The following BCAS3 variants were observed in gnomAD, a reference collection of about 807,000 sequenced individuals.
BCAS3 encodes BCAS4/BCAS3 fusion.
Under a neutral mutation model 116.1 loss-of-function variants are expected in BCAS3, and 53 were observed. The ratio of observed to expected loss-of-function variants is 0.46; its 90% CI spans 0.37 to 0.57. BCAS3 has a LOEUF of 0.57. Ranked by LOEUF, BCAS3 falls within the 20% of genes least tolerant of loss-of-function variation. The pLI is 0.00. For missense variants in BCAS3, 917 were observed against 1,165.4 expected (o/e 0.79, Z 3.10); for synonymous variants, 391 against 408.2 (o/e 0.96, Z 0.51).
At chr17:61,110,498 T>C (rs1041197349) in intron 22 of BCAS3, among the ~76,000 whole-genome samples, 3 of 152,152 alleles carry the variant, frequency 2.0e-5, no homozygotes, top group Non-Finnish European at 4.4e-5. Flanking sequence ...ACCTGGATAA[T>C]TGGGTCACTC....
chr17:60,926,106 C>A (rs1191955921), intron 13 of BCAS3, among the ~76,000 whole-genome samples: 2 of 152,098 alleles, frequency 1.3e-5, no homozygotes, highest in African/African-American at 4.8e-5. Flanking sequence ...TGGAGCATTT[C>A]AGAGCATTTT....
chr17:60,834,506 G>A (rs2051200233), intron 7 of BCAS3, among the ~76,000 whole-genome samples: 1 of 151,934 alleles, frequency 6.6e-6, no homozygotes, highest in Admixed American at 6.6e-5. Context: ...TAGTGAAGTG[G>A]TTTCTATTGA....
rs1162983256 is a variant in BCAS3, at chr17:60,808,007, C to T, written c.407C>T (p.Ala136Val). ...TTTATTTTATCCTTCCTGTCAGGTG[C>T]TCAAAAATGTGATAACTTTGCTGAA... Reference protein sequence around the residue: ...ARILPAPQFGAQKCDNFAEKR... With the variant: ...ARILPAPQFGVQKCDNFAEKR... Residue 136 changes from alanine (A) to valine (V), a missense_variant, in exon 7 of 24, where the codon GCT becomes GTT. Coordinates refer to ENST00000407086, the MANE Select transcript of BCAS3 (RefSeq NM_017679.5). 6 of 1,600,770 alleles carry T rather than the reference C, an allele frequency of 3.7e-6. No individual in the cohort carries two copies. In the South Asian group the frequency reaches 6.7e-5, roughly 18 times the overall value.
chr17:60,776,446 C>T (rs981219024), intron 6 of BCAS3, among the ~76,000 whole-genome samples: 1 of 152,138 alleles, frequency 6.6e-6, no homozygotes, highest in African/African-American at 2.4e-5. Context: ...AATGGCTGTG[C>T]GCGGTGGCTC....
At chr17:60,921,833 A>G (rs2059119005) in intron 12 of BCAS3, among the ~76,000 whole-genome samples, 1 of 151,984 alleles carries the variant, frequency 6.6e-6, no homozygotes, top group Non-Finnish European at 1.5e-5. Flanking sequence ...ACATGTAAAC[A>G]ATAACCATAA....
intron 7 of BCAS3, among the ~76,000 whole-genome samples, chr17:60,819,953 A>G (rs569753129): frequency 5.3e-5 from 8 of 151,902 alleles, no homozygotes; most frequent in Non-Finnish European, 7.4e-5. Flanking sequence ...GCAAGAGGAG[A>G]TAACCCTTAG....
chr17:61,351,959 G>A (rs2057876475), intron 22 of BCAS3, among the ~76,000 whole-genome samples: 1 of 152,180 alleles, frequency 6.6e-6, no homozygotes, highest in African/African-American at 2.4e-5. Context: ...GCCTGGAAAG[G>A]ACTACTGACT....
intron 9 of BCAS3, among the ~76,000 whole-genome samples, chr17:60,878,477 T>G (rs1032324182): frequency 6.6e-6 from 1 of 152,200 alleles, no homozygotes; most frequent in Non-Finnish European, 1.5e-5. Context: ...TCAATATGTG[T>G]ACACTTTGTT....
At position 61,122,212 on chromosome 17, in the gene BCAS3, A is replaced by G. The variant is rs1391920009; in HGVS notation, c.2425+37648A>G. Among the ~76,000 whole-genome samples the G allele has an allele frequency of 6.6e-6, 1 of 152,216 alleles. No individual in the cohort carries two copies. The highest frequency in any genetic ancestry group is 2.4e-5 in the African/African-American group (1 of 41,452). On this transcript the variant is annotated intron_variant, in intron 22 of 23. Transcript: ENST00000407086. This position sits in a 1 kb window ranked among gnomAD's most constrained non-coding sequence, Gnocchi z 4.6. Reference sequence around the variant, plus strand: ...TGCATCTTCCAGTGACGCATTTGAAATGGTGAAATCTGATTGCTAGAAATT... The same window carrying G: ...TGCATCTTCCAGTGACGCATTTGAAGTGGTGAAATCTGATTGCTAGAAATT...
At position 61,095,472 on chromosome 17, in the gene BCAS3, G is replaced by A. The variant is rs975664526; in HGVS notation, c.2425+10908G>A. 2.6e-5 allele frequency among the ~76,000 whole-genome samples: 4 copies of A among 151,924 alleles called. No individual in the cohort carries two copies. Among genetic ancestry groups the A allele is most frequent in the South Asian group, 4.1e-4 (2 of 4,822 alleles). Reference sequence around the variant, plus strand: ...TCCTGGGTTTTTTGTTGTTGTTGTCGTTTGTTTGTTTTTTTGAGACAACCT... The same window carrying A: ...TCCTGGGTTTTTTGTTGTTGTTGTCATTTGTTTGTTTTTTTGAGACAACCT... On this transcript the variant is annotated intron_variant, in intron 22 of 23. Transcript: ENST00000407086. This position sits in a 1 kb window ranked among gnomAD's most constrained non-coding sequence, Gnocchi z 4.7.
intron 6 of BCAS3, among the ~76,000 whole-genome samples, chr17:60,804,434 T>G (rs2048093314): frequency 6.6e-6 from 1 of 151,956 alleles, no homozygotes; most frequent in African/African-American, 2.4e-5. Flanking sequence ...TGTGCCGAGA[T>G]CATGCCATTG....
intron 22 of BCAS3, among the ~76,000 whole-genome samples, chr17:61,223,048 A>G (rs1032266846): frequency 1.3e-5 from 2 of 152,006 alleles, no homozygotes; most frequent in Non-Finnish European, 1.5e-5. Context: ...AAGAATGCCA[A>G]TGCAATATCT....
At chr17:60,933,189 C>T (rs1368392241) in intron 13 of BCAS3, among the ~76,000 whole-genome samples, 1 of 151,968 alleles carries the variant, frequency 6.6e-6, no homozygotes, top group Admixed American at 6.6e-5. Context: ...AAAAGGACCC[C>T]ATGGAAATGA....
Position 61,392,234 on chromosome 17 carries a change from T to G in BCAS3, c.*109T>G. 1.5e-6 allele frequency: 2 copies of G among 1,320,448 alleles called. No homozygotes were observed. The highest frequency in any genetic ancestry group is 2.1e-6 in the Non-Finnish European group (2 of 969,064). The allele number at this position is 1,320,448 out of a possible 1,614,324, so 81.8% of individuals were successfully genotyped here. A position where few individuals can be genotyped will look rare whatever the true frequency, so the allele number is the denominator to read the frequency against. On this transcript the variant is annotated 3_prime_UTR_variant, in exon 24 of 24. Transcript: ENST00000407086. This position sits in a 1 kb window ranked among gnomAD's most constrained non-coding sequence, Gnocchi z 6.4. ...CTCTGCTCTTCCTTCATCAACCACCTTCCCCAAGCTTAGTGACAGCAGCCG... is the reference window on the plus strand; with the variant it reads ...CTCTGCTCTTCCTTCATCAACCACCGTCCCCAAGCTTAGTGACAGCAGCCG...
At chr17:60,825,548 AT>A (rs2050325338) in intron 7 of BCAS3, among the ~76,000 whole-genome samples, 1 of 119,652 alleles carries the variant, frequency 8.4e-6, no homozygotes, top group African/African-American at 5.3e-5. Flanking sequence ...ATAAATAATT[AT>A]TTATAATAAT....
rs1421946823 is a variant in BCAS3 at position 60,774,921 on chromosome 17, T to C, written c.403+27642T>C. ...CTGTTTTTTATATATTTTATCTGTT[T>C]CTTAAGTTTTCCTGGCAGGAGGGTA... On this transcript the variant is annotated intron_variant, in intron 6 of 23. Coordinates refer to ENST00000407086, the MANE Select transcript of BCAS3 (RefSeq NM_017679.5). Among the ~76,000 whole-genome samples the C allele has an allele frequency of 2.6e-5, 4 of 152,230 alleles. No individual in the cohort carries two copies. The East Asian group carries it at 7.7e-4, about 29-fold the overall frequency.
intron 5 of BCAS3, among the ~76,000 whole-genome samples, chr17:60,728,229 C>G (rs1340501307): frequency 1.3e-5 from 2 of 152,160 alleles, no homozygotes; most frequent in Non-Finnish European, 2.9e-5. Context: ...TCTATCTATT[C>G]ATCCCTCCAT....
chr17:60,870,796 C>G (rs2144897115), intron 8 of BCAS3, among the ~76,000 whole-genome samples: 1 of 152,228 alleles, frequency 6.6e-6, no homozygotes, highest in East Asian at 1.9e-4. Flanking sequence ...GATATTGATA[C>G]AGAAAAAACT....
rs113143202 is a variant in BCAS3, at chr17:61,124,073, G to A, written c.2425+39509G>A. 6.6e-6 allele frequency among the ~76,000 whole-genome samples: 1 copy of A among 151,252 alleles called. No individual in the cohort carries two copies. The highest frequency in any genetic ancestry group is 1.5e-5 in the Non-Finnish European group (1 of 67,830). On this transcript the variant is annotated intron_variant, in intron 22 of 23. Coordinates refer to ENST00000407086, the MANE Select transcript of BCAS3 (RefSeq NM_017679.5). This position sits in a 1 kb window ranked among gnomAD's most constrained non-coding sequence, Gnocchi z 4.6. The stretch of plus-strand genomic sequence containing the variant: ...ATTTCAAACTTGTATCTAGGAGAGA[G>A]ATATATATATATACATATATATGTT...
Sources: allele counts gnomAD v4.1 joint callset (sites outside exome capture counted in the v4.1 genomes callset), GRCh38; gene constraint gnomAD v4.1.1; non-coding constraint Gnocchi (gnomAD v3.1); transcripts MANE v1.5; gene names NCBI Gene and HGNC (gene_info 2026-07-23, HGNC 2026-07-21).